RBFOX1: variants seen among roughly 807,000 people sequenced by gnomAD.
RBFOX1 encodes RNA binding protein fox-1 homolog 1.
A neutral mutation model predicts 57.7 loss-of-function variants in RBFOX1; 8 were observed. The observed-to-expected ratio is 0.14, with a 90% CI of 0.08 to 0.25. The LOEUF is 0.25. Among genes scored for constraint, RBFOX1 ranks in the 10% least tolerant of loss-of-function variants. RBFOX1 has a pLI of 1.00. For synonymous variants in RBFOX1, 326 were observed against 222.4 expected, an observed-to-expected ratio of 1.47 and a Z score of -4.15; for missense variants, 611 against 548.5, an observed-to-expected ratio of 1.11 and a Z score of -1.14.
intron 1 of RBFOX1, among the ~76,000 whole-genome samples, chr16:6,186,013 T>G (rs1351791703): frequency 4.6e-5 from 7 of 152,224 alleles, no homozygotes; most frequent in Admixed American, 4.6e-4. Context: ...GGCATTATTA[T>G]TTCTCTATTC....
At chr16:7,371,796 A>G (rs76666781) in intron 4 of RBFOX1, among the ~76,000 whole-genome samples, 1 of 152,200 alleles carries the variant, frequency 6.6e-6, no homozygotes, top group Non-Finnish European at 1.5e-5. Flanking sequence ...ATACATGTGC[A>G]TACAGATATA....
At chr16:7,354,926 C>G (rs766581979) in intron 4 of RBFOX1, among the ~76,000 whole-genome samples, 2 of 152,288 alleles carry the variant, frequency 1.3e-5, no homozygotes, top group South Asian at 2.1e-4. Flanking sequence ...CTTGTGGTCT[C>G]TTTGCTCTGC....
chr16:6,806,866 C>T (rs2086963054), intron 3 of RBFOX1, among the ~76,000 whole-genome samples: 3 of 79,392 alleles, frequency 3.8e-5, no homozygotes, highest in African/African-American at 5.4e-5. Context: ...GAAAGTCTTG[C>T]TCTGTTACCC....
chr16:7,498,819 G>A (rs1044823860), intron 4 of RBFOX1, among the ~76,000 whole-genome samples: 3 of 152,250 alleles, frequency 2.0e-5, no homozygotes, highest in Non-Finnish European at 4.4e-5. Flanking sequence ...CTCTGACTAG[G>A]ATTACAATAT....
chr16:5,553,380 A>T (rs924250562), intron 2 of RBFOX1, among the ~76,000 whole-genome samples: 2 of 151,652 alleles, frequency 1.3e-5, no homozygotes, highest in Admixed American at 1.3e-4. Flanking sequence ...CAGTGGCACA[A>T]TCTCAGCTCA....
At chr16:5,522,867 G>A (rs1365233484) in intron 2 of RBFOX1, among the ~76,000 whole-genome samples, 1 of 152,166 alleles carries the variant, frequency 6.6e-6, no homozygotes, top group African/African-American at 2.4e-5. Flanking sequence ...AAAATGACAG[G>A]ATTCCATTCT....
intron 1 of RBFOX1, among the ~76,000 whole-genome samples, chr16:6,159,885 C>A (rs1597905028): frequency 3.1e-5 from 3 of 97,630 alleles, no homozygotes; most frequent in African/African-American, 8.9e-5. Context: ...ATCAGTATCT[C>A]CTTAAATTTG....
chr16:6,406,296 C>A (rs145042427), intron 2 of RBFOX1, among the ~76,000 whole-genome samples: 2 of 151,834 alleles, frequency 1.3e-5, no homozygotes, highest in African/African-American at 2.4e-5. Flanking sequence ...GAACTTCCAC[C>A]GCAGTGGTCC....
At chr16:6,440,637 C>T (rs1355100253) in intron 2 of RBFOX1, among the ~76,000 whole-genome samples, 1 of 151,820 alleles carries the variant, frequency 6.6e-6, no homozygotes, top group African/African-American at 2.4e-5. Context: ...CCTGTCTTTA[C>T]TAAAAGTACA....
intron 4 of RBFOX1, among the ~76,000 whole-genome samples, chr16:7,330,405 T>TC (rs2096669744): frequency 1.3e-5 from 2 of 148,608 alleles, no homozygotes; most frequent in Admixed American, 6.7e-5. Context: ...TTTTTTTTTT[T>TC]TTTCTGTTTT....
In RBFOX1 at chr16:6,835,196, C is replaced by T. The variant is rs148358392; in HGVS notation, c.-16+180546C>T. 3.8e-3 allele frequency among the ~76,000 whole-genome samples: 576 copies of T among 152,106 alleles called. 5 individuals are homozygous for T. Among genetic ancestry groups the T allele is most frequent in the African/African-American group, 0.013 (538 of 41,516 alleles). On this transcript the variant is annotated intron_variant, in intron 3 of 15. Transcript: ENST00000550418. ...GATCACAGGCGTGAGCCACCACGCC[C>T]GACCGGCCTGACTTCTCTTGTGAAG...
Position 6,531,493 on chromosome 16 carries a change from G to T in RBFOX1, c.-63-123110G>T, listed in dbSNP as rs536585000. The stretch of plus-strand genomic sequence containing the variant: ...TTTAGGACAGGTTCTCATGAACGTG[G>T]GAAAATGGTGAAATATTTTTACTTT... On this transcript the variant is annotated intron_variant, in intron 2 of 15. Coordinates refer to ENST00000550418, the MANE Select transcript of RBFOX1 (RefSeq NM_018723.4). Among the ~76,000 whole-genome samples the T allele has an allele frequency of 2.0e-5, 3 of 152,212 alleles. No homozygotes were observed. In the East Asian group the frequency reaches 5.8e-4, roughly 29 times the overall value.
In RBFOX1 at chr16:5,920,329, A is replaced by G. The variant is rs113839040; in HGVS notation, c.351+52994A>G. ...TACCCATATAATTGTATGTAGAGAG[A>G]TCCTACTTTGTTTATTCACTCATCG... On this transcript the variant is annotated intron_variant, in intron 4 of 19. Transcript: ENST00000641259. 1.5e-3 allele frequency among the ~76,000 whole-genome samples: 228 copies of G among 152,094 alleles called. 2 individuals carry two copies. Among genetic ancestry groups the G allele is most frequent in the African/African-American group, 5.1e-3 (212 of 41,482 alleles).
intron 1 of RBFOX1, among the ~76,000 whole-genome samples, chr16:6,035,497 TTGCC>T (rs2095354043): frequency 6.6e-6 from 1 of 151,492 alleles, no homozygotes; most frequent in Non-Finnish European, 1.5e-5. Flanking sequence ...CCTTGAAAAA[TTGCC>T]TGGTAAAGTA....
intron 3 of RBFOX1, among the ~76,000 whole-genome samples, chr16:6,795,629 G>GT (rs1567279343): frequency 6.6e-6 from 1 of 152,022 alleles, no homozygotes; most frequent in Non-Finnish European, 1.5e-5. Flanking sequence ...AGCCTGGCAT[G>GT]GTTGGGGGTG....
chr16:6,319,946 G>A (rs2081568265), intron 2 of RBFOX1, among the ~76,000 whole-genome samples: 1 of 151,796 alleles, frequency 6.6e-6, no homozygotes, highest in African/African-American at 2.4e-5. Flanking sequence ...TTTTTCTTTG[G>A]TCTAGTGCTA....
intron 1 of RBFOX1, among the ~76,000 whole-genome samples, chr16:6,104,791 G>A (rs2096358333): frequency 1.3e-5 from 2 of 152,206 alleles, no homozygotes; most frequent in Middle Eastern, 3.4e-3. Flanking sequence ...GATGAACCTC[G>A]GAAAACATTA....
chr16:7,527,800 C>A (rs777368325), intron 5 of RBFOX1, among the ~76,000 whole-genome samples: 3 of 152,132 alleles, frequency 2.0e-5, no homozygotes, highest in African/African-American at 7.2e-5. Flanking sequence ...GAAATAATTA[C>A]AGTACCCATA....
chr16:6,233,355 C>T (rs2097480426), intron 1 of RBFOX1, among the ~76,000 whole-genome samples: 1 of 152,028 alleles, frequency 6.6e-6, no homozygotes, highest in South Asian at 2.1e-4. Context: ...CCATCCTGAT[C>T]CAAACCACCA....
Sources: gnomAD v4.1 joint callset for allele counts (sites outside exome capture counted in the v4.1 genomes callset) on GRCh38, gnomAD v4.1.1 for gene constraint, MANE v1.5 for transcripts, NCBI Gene and HGNC (gene_info 2026-07-23, HGNC 2026-07-21) for gene names.